TIMM23: variants seen among roughly 807,000 people sequenced by gnomAD.
The protein encoded by TIMM23 is translocase of inner mitochondrial membrane 23, also known as mitochondrial import inner membrane translocase subunit Tim23.
Under a neutral mutation model 30.7 loss-of-function variants are expected in TIMM23, and 19 were observed. The observed-to-expected ratio is 0.62, with a 90% CI of 0.43 to 0.91. The LOEUF (loss-of-function observed/expected upper bound fraction) is 0.91, where lower values mean the gene tolerates loss of function less well. TIMM23 is among the 40% of genes least tolerant of loss of function. The pLI, the probability that TIMM23 is intolerant of heterozygous loss-of-function variation, is 0.00. For synonymous variants in TIMM23, 78 were observed against 98.5 expected (o/e 0.79, Z 1.23); for missense variants, 202 against 269.2 (o/e 0.75, Z 1.75).
intron 2 of TIMM23, among the ~76,000 whole-genome samples, chr10:45,981,912 C>T (rs1387513980): frequency 6.6e-6 from 1 of 152,042 alleles, no homozygotes; most frequent in Non-Finnish European, 1.5e-5. Flanking sequence ...AGTGTCATTT[C>T]TCAGTCTTAG....
chr10:45,996,968 C>CA (rs1172844294), intron 6 of TIMM23, among the ~76,000 whole-genome samples: 1,278 of 112,482 alleles, frequency 0.011, 24 homozygotes, highest in African/African-American at 0.022. Flanking sequence ...CTGTGTCAAA[C>CA]AAAAAAAAAA....
intron 4 of TIMM23, among the ~76,000 whole-genome samples, chr10:45,983,869 G>A (rs71277324): frequency 0.25 from 37,529 of 151,956 alleles, 5,502 homozygotes; most frequent in South Asian, 0.52. Flanking sequence ...TCAGCCTCCC[G>A]AGTAGCTGGG....
intron 6 of TIMM23, among the ~76,000 whole-genome samples, chr10:45,999,131 G>A (rs1158564140): frequency 6.6e-6 from 1 of 151,864 alleles, no homozygotes; most frequent in Non-Finnish European, 1.5e-5. Context: ...ACCATGCCAG[G>A]CCTTTTTAAA....
Position 45,985,408 on chromosome 10 carries a change from G to T in TIMM23, c.370G>T (p.Gly124Trp). ...VQILNMVTRQ[G>W]ALWANTLGSL... Reference sequence around the variant, plus strand: ...GATTTTGAATATGGTGACTAGGCAAGGGGCACTTTGGGCTAATACTCTAGG... The same window carrying T: ...GATTTTGAATATGGTGACTAGGCAATGGGCACTTTGGGCTAATACTCTAGG... Residue 124 changes from glycine (G) to tryptophan (W), a missense_variant, in exon 5 of 7, where the codon GGG (glycine) becomes TGG (tryptophan). Coordinates refer to ENST00000580018, the MANE Select transcript of TIMM23 (RefSeq NM_006327.4). 6.2e-7 allele frequency: 1 copy of T among 1,613,526 alleles called. No homozygotes were observed. The highest frequency in any genetic ancestry group is 8.5e-7 in the Non-Finnish European group (1 of 1,179,566).
At chr10:45,983,320 C>G (rs1300018403) in intron 4 of TIMM23, among the ~76,000 whole-genome samples, 1 of 152,084 alleles carries the variant, frequency 6.6e-6, no homozygotes, top group South Asian at 2.1e-4. Flanking sequence ...AGAGTGATGG[C>G]TCAAGCTGCC....
chr10:45,989,902 C>G (rs1238842762), intron 6 of TIMM23, among the ~76,000 whole-genome samples: 1 of 152,058 alleles, frequency 6.6e-6, no homozygotes, highest in Non-Finnish European at 1.5e-5. Flanking sequence ...TCTTTGGCTA[C>G]TTAATTTTTA....
chr10:45,988,508 G>A, intron 5 of TIMM23, among the ~76,000 whole-genome samples: 1 of 152,226 alleles, frequency 6.6e-6, no homozygotes, highest in East Asian at 1.9e-4. Context: ...TCTGAGGCCT[G>A]AAGTGCCCCA....
Position 46,003,234 on chromosome 10 carries a change from G to C in TIMM23, c.546G>C (p.Leu182=), listed in dbSNP as rs1838607935. 1.2e-6 allele frequency: 2 copies of C among 1,614,110 alleles called. No individual in the cohort carries two copies. The highest frequency in any genetic ancestry group is 1.7e-4 in the Middle Eastern group (1 of 6,060). The change falls in exon 7 of 7, where the codon CTG becomes CTC. Residue 182 remains leucine (L), a synonymous_variant. Transcript: ENST00000580018. ...TTCGAGGGATAGCACGAGGTGGTCTGACAGGACTAACACTTACCAGCCTCT... is the reference window on the plus strand; with the variant it reads ...TTCGAGGGATAGCACGAGGTGGTCTCACAGGACTAACACTTACCAGCCTCT... ...GGLRGIARGG[L]TGLTLTSLYA...
chr10:45,997,629 T>C (rs1460016730), intron 6 of TIMM23, among the ~76,000 whole-genome samples: 1 of 152,054 alleles, frequency 6.6e-6, no homozygotes, highest in African/African-American at 2.4e-5. Context: ...CTAGGTAATA[T>C]AGGGAGACCT....
intron 5 of TIMM23, among the ~76,000 whole-genome samples, chr10:45,986,933 A>G (rs1177423827): frequency 3.3e-5 from 5 of 152,120 alleles, no homozygotes; most frequent in Admixed American, 6.5e-5. Flanking sequence ...AATAGCTACT[A>G]TTGATGTTTC....
chr10:45,995,984 A>T (rs1838316001), intron 6 of TIMM23, among the ~76,000 whole-genome samples: 1 of 149,944 alleles, frequency 6.7e-6, no homozygotes, highest in Non-Finnish European at 1.5e-5. Context: ...CAAGTGTCTG[A>T]TGCATAATAA....
chr10:45,975,591 T>A, intron 2 of TIMM23, 79 bp downstream of exon 2: 1 of 1,576,014 alleles, frequency 6.3e-7, no homozygotes, highest in South Asian at 1.1e-5. Flanking sequence ...TGACTTGAAC[T>A]ATGACATACA....
At chr10:45,981,612 C>T (rs1353305377) in intron 2 of TIMM23, among the ~76,000 whole-genome samples, 6 of 151,980 alleles carry the variant, frequency 3.9e-5, no homozygotes, top group African/African-American at 1.5e-4. Context: ...ATTAGGAATA[C>T]AATTTTCTGA....
intron 6 of TIMM23, among the ~76,000 whole-genome samples, chr10:45,990,914 C>G (rs1838146631): frequency 6.6e-6 from 1 of 152,168 alleles, no homozygotes; most frequent in Admixed American, 6.5e-5. Context: ...AGCTCATTTA[C>G]CATTCTCTGA....
At chr10:45,988,656 T>G (rs1365406074) in intron 5 of TIMM23, 81 bp from the exon 6 acceptor site, 2 of 933,374 alleles carry the variant, frequency 2.1e-6, no homozygotes, top group South Asian at 2.6e-5. Flanking sequence ...CTAGGAACCA[T>G]GGATGAAAAC....
At chr10:45,982,970 T>C in intron 4 of TIMM23, 40 bp downstream of exon 4, 1 of 1,613,404 alleles carries the variant, frequency 6.2e-7, no homozygotes, top group Non-Finnish European at 8.5e-7. Flanking sequence ...GATACTTGAA[T>C]ATTAAGCTCT....
intron 6 of TIMM23, among the ~76,000 whole-genome samples, chr10:45,997,335 A>T (rs587613538): frequency 0.092 from 66 of 714 alleles, no homozygotes; most frequent in South Asian, 0.45. Flanking sequence ...GCCATCTATA[A>T]AAAAAAATGG....
intron 5 of TIMM23, among the ~76,000 whole-genome samples, chr10:45,987,067 T>G (rs1372639758): frequency 2.6e-5 from 4 of 152,118 alleles, no homozygotes; most frequent in Admixed American, 6.6e-5. Context: ...TAGTATTCCA[T>G]TATATGAAAA....
chr10:45,996,377 A>G (rs1838332611), intron 6 of TIMM23, among the ~76,000 whole-genome samples: 1 of 149,010 alleles, frequency 6.7e-6, no homozygotes, highest in Admixed American at 6.6e-5. Flanking sequence ...AAGAAATGTT[A>G]TGAAAAATTT....
Sources: gnomAD v4.1 joint callset for allele counts (sites outside exome capture counted in the v4.1 genomes callset) on GRCh38, gnomAD v4.1.1 for gene constraint, MANE v1.5 for transcripts, NCBI Gene and HGNC (gene_info 2026-07-23, HGNC 2026-07-21) for gene names.